Variants in TCP11L1 observed in about 807,000 individuals in gnomAD.
The protein encoded by TCP11L1 is t-complex 11 like 1.
A neutral mutation model predicts 48.9 loss-of-function variants in TCP11L1; 28 were observed. The observed-to-expected ratio is 0.57, with a 90% CI of 0.42 to 0.78. TCP11L1 has a LOEUF of 0.78. Among genes scored for constraint, TCP11L1 ranks in the 30% least tolerant of loss-of-function variants. The pLI is 0.00. For missense variants in TCP11L1, 505 were observed against 613.4 expected (o/e 0.82, Z 1.87); for synonymous variants, 204 against 231.9 (o/e 0.88, Z 1.09).
At chr11:33,041,429 G>GA (rs1564971469) in intron 1 of TCP11L1, 1 of 152,296 alleles carries the variant, frequency 6.6e-6, no homozygotes, top group East Asian at 1.9e-4. Context: ...TCTCGAAAGG[G>GA]AAAATACATG....
chr11:33,046,184 AGACCCTG>A lies in TCP11L1; in HGVS notation c.163+2259_163+2265del, dbSNP rs549311588. Among the ~76,000 whole-genome samples the A allele has an allele frequency of 1.5e-3, 225 of 152,370 alleles. 2 individuals are homozygous for A. Among genetic ancestry groups the A allele is most frequent in the African/African-American group, 5.1e-3 (213 of 41,598 alleles). The stretch of plus-strand genomic sequence containing the variant: ...TGTTCCCAAGGCCATGAGGGGTTTT[AGACCCTG>A]GACCCTGGACATGTTCCAAGACTCT... On this transcript the variant is annotated intron_variant, in intron 2 of 9. Coordinates refer to ENST00000334274, the MANE Select transcript of TCP11L1 (RefSeq NM_018393.4).
At chr11:33,055,250 A>C (rs1854277699) in intron 3 of TCP11L1, among the ~76,000 whole-genome samples, 1 of 152,220 alleles carries the variant, frequency 6.6e-6, no homozygotes, top group South Asian at 2.1e-4. Flanking sequence ...TTTAGAATCA[A>C]GGAAATATGC....
chr11:33,054,964 G>T lies in TCP11L1; in HGVS notation c.296+239G>T, dbSNP rs11032128. On this transcript the variant is annotated intron_variant, in intron 3 of 9. Coordinates refer to ENST00000334274, the MANE Select transcript of TCP11L1 (RefSeq NM_018393.4). The stretch of plus-strand genomic sequence containing the variant: ...CCTCATCTTGTGTTTTCATTGCCTT[G>T]TTTCATTCACTTCTTTGAAACTATC... Among the ~76,000 whole-genome samples the T allele has an allele frequency of 7.4e-3, 1,131 of 152,322 alleles. 4 individuals are homozygous for T. Among genetic ancestry groups the T allele is most frequent in the Non-Finnish European group, 0.014 (924 of 68,032 alleles).
At position 33,061,640 on chromosome 11, in the gene TCP11L1, A is replaced by G. The variant is rs1590235753; in HGVS notation, c.886A>G (p.Met296Val). 2 of 1,612,934 alleles carry G rather than the reference A, an allele frequency of 1.2e-6. No homozygotes were observed. Among genetic ancestry groups the G allele is most frequent in the East Asian group, 2.2e-5 (1 of 44,842 alleles). ...VGGMAAGSGD[M>V]PRLSPVAVQN... Reference sequence around the variant, plus strand: ...GGGAATGGCTGCTGGCTCTGGGGACATGCCCAGGCTGAGCCCTGTTGCTGT... The same window carrying G: ...GGGAATGGCTGCTGGCTCTGGGGACGTGCCCAGGCTGAGCCCTGTTGCTGT... The change falls in exon 7 of 10, where the codon ATG becomes GTG. Residue 296 changes from methionine to valine, a missense_variant. Physicochemically the swap from Met to Val is conservative, Grantham distance 21. Transcript: ENST00000334274.
intron 6 of TCP11L1, among the ~76,000 whole-genome samples, chr11:33,059,395 C>T (rs1487005021): frequency 6.6e-6 from 1 of 152,170 alleles, no homozygotes; most frequent in Non-Finnish European, 1.5e-5. Flanking sequence ...AAGTAAAATA[C>T]ATTCTTGGTC....
intron 3 of TCP11L1, among the ~76,000 whole-genome samples, chr11:33,055,026 G>A (rs976680968): frequency 2.6e-5 from 4 of 152,250 alleles, no homozygotes; most frequent in South Asian, 2.1e-4. Context: ...TCGCAAAGGC[G>A]AAGACTGTGG....
Position 33,072,388 on chromosome 11 carries a change from G to A in TCP11L1, c.1328-86G>A, listed in dbSNP as rs1243799324. On this transcript the variant is annotated intron_variant, in intron 9 of 9. Transcript: ENST00000334274. ...GATCGGGGACAACTTCCCCTAAGAG[G>A]TGATGGTTAAGCTAAGAACTGAAGC... 8 of 1,417,414 alleles carry A rather than the reference G, an allele frequency of 5.6e-6. No individual in the cohort carries two copies. The African/African-American group carries it at 9.9e-5, about 18-fold the overall frequency. The allele number at this position is 1,417,414 out of a possible 1,614,324, so 87.8% of individuals were successfully genotyped here.
At chr11:33,065,635 A>G (rs1854592524) in intron 7 of TCP11L1, among the ~76,000 whole-genome samples, 195 bp from the exon 8 acceptor site, 1 of 152,198 alleles carries the variant, frequency 6.6e-6, no homozygotes, top group African/African-American at 2.4e-5. Context: ...TGAGGGCGCT[A>G]TACTGCATCC....
chr11:33,044,471 C>T (rs1334378175), intron 2 of TCP11L1, among the ~76,000 whole-genome samples: 3 of 152,314 alleles, frequency 2.0e-5, no homozygotes, highest in African/African-American at 7.2e-5. Flanking sequence ...CAGGCATTCC[C>T]AGTGGTTGCC....
chr11:33,068,197 A>G (rs1259258727), intron 8 of TCP11L1, among the ~76,000 whole-genome samples: 1 of 152,250 alleles, frequency 6.6e-6, no homozygotes, highest in East Asian at 1.9e-4. Flanking sequence ...TTCTGGGATT[A>G]TAGGCGTGAG....
intron 9 of TCP11L1, among the ~76,000 whole-genome samples, chr11:33,070,952 A>G (rs1361408585): frequency 6.7e-6 from 1 of 149,998 alleles, no homozygotes; most frequent in East Asian, 2.0e-4. Context: ...CAGTGAGCCG[A>G]GATCGCGCCA....
chr11:33,068,293 A>G (rs371353821), intron 8 of TCP11L1, among the ~76,000 whole-genome samples: 2 of 152,338 alleles, frequency 1.3e-5, no homozygotes, highest in East Asian at 3.9e-4. Flanking sequence ...AGGGCATCCA[A>G]TGAAGAGTTT....
chr11:33,044,073 A>G, intron 2 of TCP11L1, 137 bp downstream of exon 2: 1 of 846,230 alleles, frequency 1.2e-6, no homozygotes, highest in Non-Finnish European at 1.7e-6. Context: ...TAGGAATAAT[A>G]GCAGTTCCTC....
chr11:33,065,812 C>T lies in TCP11L1; in HGVS notation c.973-18C>T, dbSNP rs777931803. 24 of 1,604,130 alleles carry T rather than the reference C, an allele frequency of 1.5e-5. No individual in the cohort carries two copies. Among genetic ancestry groups the T allele is most frequent in the Admixed American group, 3.3e-5 (2 of 59,764 alleles). On this transcript the variant is annotated intron_variant, in intron 7 of 9. Coordinates refer to ENST00000334274, the MANE Select transcript of TCP11L1 (RefSeq NM_018393.4). ...CCTGGACCTGCAGCTCAGCGATGGCCTCTTCTATTCATTACAGACAGTTTT... is the reference window on the plus strand; with the variant it reads ...CCTGGACCTGCAGCTCAGCGATGGCTTCTTCTATTCATTACAGACAGTTTT...
rs202168746 is a variant in TCP11L1 at position 33,065,930 on chromosome 11, C to T, written c.1073C>T (p.Ala358Val). ...AVLLVTFSMAAPGISSQADFA... is the reference protein window; with the variant it reads ...AVLLVTFSMAVPGISSQADFA... ...TTGCTGGTCACCTTCAGCATGGCAG[C>T]GCCAGGAATTTCCAGCCAGGCCGAC... The change falls in exon 8 of 10, where the codon GCG becomes GTG. Residue 358 changes from alanine (A) to valine (V), a missense_variant. Ala to Val is a moderately conservative substitution (Grantham distance 64). Around this residue, in one of 3 missense-constraint regions of TCP11L1, gnomAD observed 335 missense variants for 413.3 expected, o/e 0.81. Coordinates refer to ENST00000334274, the MANE Select transcript of TCP11L1 (RefSeq NM_018393.4). 100 of 1,614,196 alleles carry T rather than the reference C, an allele frequency of 6.2e-5. No individual in the cohort carries two copies. The Middle Eastern group carries it at 6.6e-4, about 11-fold the overall frequency.
chr11:33,061,858 A>T (rs1325197739), intron 7 of TCP11L1, 132 bp downstream of exon 7: 1 of 911,330 alleles, frequency 1.1e-6, no homozygotes, highest in East Asian at 3.0e-5. Context: ...AGGCAGGCAG[A>T]TTGCTTGAGG....
chr11:33,066,800 C>T (rs1374848095), intron 8 of TCP11L1, among the ~76,000 whole-genome samples: 2 of 152,116 alleles, frequency 1.3e-5, no homozygotes, highest in Non-Finnish European at 2.9e-5. Flanking sequence ...AACCCAGAGA[C>T]ATTAATTGGG....
chr11:33,063,244 C>T (rs1854516463), intron 7 of TCP11L1, among the ~76,000 whole-genome samples: 2 of 152,172 alleles, frequency 1.3e-5, no homozygotes, highest in East Asian at 3.8e-4. Flanking sequence ...AGTTGACAAA[C>T]ATTTGGGTTG....
intron 2 of TCP11L1, among the ~76,000 whole-genome samples, chr11:33,049,589 G>A (rs1854097888): frequency 6.6e-6 from 1 of 152,098 alleles, no homozygotes; most frequent in African/African-American, 2.4e-5. Context: ...GTGAACAAAG[G>A]TCTCTGTGTC....
Sources: allele counts gnomAD v4.1 joint callset (sites outside exome capture counted in the v4.1 genomes callset), GRCh38; gene constraint gnomAD v4.1.1; regional missense constraint gnomAD v4.1.1; transcripts MANE v1.5; gene names NCBI Gene and HGNC (gene_info 2026-07-23, HGNC 2026-07-21).